Variants in DPP10 observed in about 807,000 individuals in gnomAD.
DPP10 encodes the protein dipeptidyl peptidase like 10, also known as inactive dipeptidyl peptidase 10.
Under a neutral mutation model 120.9 loss-of-function variants are expected in DPP10, and 33 were observed. The observed-to-expected ratio is 0.27, with a 90% CI of 0.21 to 0.37. DPP10 has a LOEUF of 0.37. DPP10 is among the 10% of genes least tolerant of loss of function. The pLI, the probability that DPP10 is intolerant of heterozygous loss-of-function variation, is 1.00. For synonymous variants in DPP10, 337 were observed against 326.1 expected (o/e 1.03, Z -0.36); for missense variants, 816 against 942.8 (o/e 0.87, Z 1.76).
At chr2:115,749,045 A>T (rs779569851) in intron 10 of DPP10, among the ~76,000 whole-genome samples, 1 of 152,198 alleles carries the variant, frequency 6.6e-6, no homozygotes, top group Admixed American at 6.5e-5. Context: ...AGGAACTAAG[A>T]TAATGCCCCT....
In DPP10 at chr2:114,461,565, C is replaced by G. The variant is rs147113314; in HGVS notation, c.60+18727C>G. 135 of 984,106 alleles carry G rather than the reference C, an allele frequency of 1.4e-4. 1 individual carries two copies. In the African/African-American group the frequency reaches 1.9e-3, roughly 14 times the overall value. The allele number at this position is 984,106 out of a possible 1,614,324, so 61.0% of individuals were successfully genotyped here. A position where few individuals can be genotyped will look rare whatever the true frequency, so the allele number is the denominator to read the frequency against. On this transcript the variant is annotated intron_variant, in intron 1 of 25. Coordinates refer to ENST00000410059, the MANE Select transcript of DPP10 (RefSeq NM_020868.6). ...ATCAACCTCCTTTTCTAAGACCAGC[C>G]TCCTCTTTATCATATTGCATTAAAC...
intron 3 of DPP10, among the ~76,000 whole-genome samples, chr2:115,485,761 A>T (rs1053230568): frequency 6.6e-6 from 1 of 152,166 alleles, no homozygotes; most frequent in Admixed American, 6.5e-5. Context: ...AAATTCTTCA[A>T]TACTACTCTA....
At chr2:115,060,396 C>T (rs1024113) in intron 1 of DPP10, among the ~76,000 whole-genome samples, 52,167 of 151,724 alleles carry the variant, frequency 0.34, 9,356 homozygotes, top group South Asian at 0.52. Flanking sequence ...AGTTTGAGAC[C>T]ACCATGGACA....
chr2:115,267,560 C>T (rs1044019200), intron 1 of DPP10, among the ~76,000 whole-genome samples: 2 of 152,086 alleles, frequency 1.3e-5, no homozygotes, highest in East Asian at 1.9e-4. Flanking sequence ...AGCACTGCAT[C>T]GCTCTCTGTA....
chr2:115,516,581 T>TG (rs1575071342), intron 4 of DPP10, among the ~76,000 whole-genome samples: 1 of 149,386 alleles, frequency 6.7e-6, no homozygotes, highest in African/African-American at 2.4e-5. Context: ...TTTGTTTTTT[T>TG]TTTTTTTTTC....
chr2:115,774,150 A>G (rs575074745), intron 13 of DPP10, among the ~76,000 whole-genome samples: 3 of 151,612 alleles, frequency 2.0e-5, no homozygotes, highest in South Asian at 2.1e-4. Flanking sequence ...TTTTCAAAGC[A>G]TTGGGTTTTT....
At chr2:115,153,283 A>G (rs781780444) in intron 1 of DPP10, among the ~76,000 whole-genome samples, 12 of 152,166 alleles carry the variant, frequency 7.9e-5, no homozygotes, top group Non-Finnish European at 1.5e-4. Flanking sequence ...ATGAGGGACC[A>G]ATTTCCTGTT....
At chr2:115,280,594 A>G (rs1360159025) in intron 1 of DPP10, among the ~76,000 whole-genome samples, 5 of 152,210 alleles carry the variant, frequency 3.3e-5, no homozygotes, top group African/African-American at 9.6e-5. Context: ...GCAAGATGTC[A>G]TATGTGTTGT....
Position 114,667,939 on chromosome 2 carries a change from G to A in DPP10, c.60+225101G>A, listed in dbSNP as rs183030230. 2.0e-3 allele frequency among the ~76,000 whole-genome samples: 298 copies of A among 152,244 alleles called. 2 individuals are homozygous for A. The highest frequency in any genetic ancestry group is 2.8e-3 in the Non-Finnish European group (191 of 68,006). ...TTTGAGTTTTACAAATATTCAATAAGTATAGACTGATTGAATGTCCTTTGT... is the reference window on the plus strand; with the variant it reads ...TTTGAGTTTTACAAATATTCAATAAATATAGACTGATTGAATGTCCTTTGT... On this transcript the variant is annotated intron_variant, in intron 1 of 25. Transcript: ENST00000410059.
chr2:114,483,642 A>G (rs1681256750), intron 1 of DPP10, among the ~76,000 whole-genome samples: 1 of 152,132 alleles, frequency 6.6e-6, no homozygotes, highest in Non-Finnish European at 1.5e-5. Context: ...TATTTTTGTC[A>G]TTAAAAAAGG....
intron 1 of DPP10, among the ~76,000 whole-genome samples, chr2:114,626,827 G>T (rs1281335062): frequency 6.6e-6 from 1 of 152,050 alleles, no homozygotes; most frequent in Non-Finnish European, 1.5e-5. Flanking sequence ...TGTGATTTAC[G>T]AGTTGGCATT....
chr2:115,128,625 C>T (rs1404711341), intron 1 of DPP10, among the ~76,000 whole-genome samples: 6 of 152,148 alleles, frequency 3.9e-5, no homozygotes, highest in African/African-American at 1.4e-4. Flanking sequence ...ACCATTAGAA[C>T]ATGTGTAGTC....
intron 1 of DPP10, among the ~76,000 whole-genome samples, chr2:114,533,578 G>A (rs1686230085): frequency 6.6e-6 from 1 of 151,650 alleles, no homozygotes; most frequent in Non-Finnish European, 1.5e-5. Flanking sequence ...GTTTACCTGT[G>A]CAACAAACCT....
rs537041523 is a variant in DPP10, at chr2:115,194,997, A to G, written c.61-114242A>G. Among the ~76,000 whole-genome samples, 26 of 152,308 alleles carry G rather than the reference A, an allele frequency of 1.7e-4. No individual in the cohort carries two copies. The South Asian group carries it at 3.3e-3, about 19-fold the overall frequency. ...TAGTGTTGGGTTTTGCCTGTCAGAT[A>G]AACTTAAGCTGGGACAGTGTCTTTT... On this transcript the variant is annotated intron_variant, in intron 1 of 25. Transcript: ENST00000410059.
chr2:115,399,987 T>C (rs760663927), intron 3 of DPP10, among the ~76,000 whole-genome samples: 1 of 152,006 alleles, frequency 6.6e-6, no homozygotes, highest in Non-Finnish European at 1.5e-5. Flanking sequence ...CCTCCAATCA[T>C]GATGGAAGGT....
chr2:114,855,259 G>T (rs1050385311), intron 1 of DPP10, among the ~76,000 whole-genome samples: 1 of 152,074 alleles, frequency 6.6e-6, no homozygotes, highest in African/African-American at 2.4e-5. Flanking sequence ...CATAAGGCAG[G>T]CATACATTTT....
At chr2:114,799,495 A>G (rs981173472) in intron 1 of DPP10, among the ~76,000 whole-genome samples, 1 of 152,220 alleles carries the variant, frequency 6.6e-6, no homozygotes, top group African/African-American at 2.4e-5. Flanking sequence ...TTCCATTTTC[A>G]TGAATCCATG....
At chr2:115,118,859 C>T (rs539277316) in intron 1 of DPP10, among the ~76,000 whole-genome samples, 2 of 152,092 alleles carry the variant, frequency 1.3e-5, no homozygotes, top group East Asian at 3.9e-4. Flanking sequence ...AAGTGATCCA[C>T]CCACCTCGGC....
intron 1 of DPP10, among the ~76,000 whole-genome samples, chr2:115,075,260 A>G (rs1430400461): frequency 6.6e-6 from 1 of 152,254 alleles, no homozygotes; most frequent in African/African-American, 2.4e-5. Context: ...GAAGTTGTTT[A>G]GAAGTAAAAG....
Sources: gnomAD v4.1 joint callset for allele counts (sites outside exome capture counted in the v4.1 genomes callset) on GRCh38, gnomAD v4.1.1 for gene constraint, MANE v1.5 for transcripts, NCBI Gene and HGNC (gene_info 2026-07-23, HGNC 2026-07-21) for gene names.